The following FTO variants were observed in gnomAD, a reference collection of about 807,000 sequenced individuals.
FTO encodes alpha-ketoglutarate-dependent dioxygenase FTO.
A neutral mutation model predicts 63.9 loss-of-function variants in FTO; 47 were observed. The ratio of observed to expected loss-of-function variants is 0.74; its 90% CI spans 0.58 to 0.94. The LOEUF is 0.94. Ranked by LOEUF, FTO falls within the 40% of genes least tolerant of loss-of-function variation. The pLI is 0.00. For missense variants in FTO, 562 were observed against 618.1 expected, an observed-to-expected ratio of 0.91 and a Z score of 0.96; for synonymous variants, 207 against 224.4, an observed-to-expected ratio of 0.92 and a Z score of 0.69.
Position 53,729,409 on chromosome 16 carries a change from C to T in FTO, c.45+25180C>T, listed in dbSNP as rs182991978. The stretch of plus-strand genomic sequence containing the variant: ...GGGCTTGGTGGTGCGTGCCTGTATT[C>T]TAGCTACTCGGGAGGCAGAGGCAGG... On this transcript the variant is annotated intron_variant, in intron 1 of 8. Coordinates refer to ENST00000471389, the MANE Select transcript of FTO (RefSeq NM_001080432.3). Among the ~76,000 whole-genome samples the T allele has an allele frequency of 2.0e-5, 3 of 151,934 alleles. No individual in the cohort carries two copies. The East Asian group carries it at 5.9e-4, about 30-fold the overall frequency.
At chr16:53,814,103 CT>C (rs1389794072) in intron 2 of FTO, among the ~76,000 whole-genome samples, 9 of 152,170 alleles carry the variant, frequency 5.9e-5, no homozygotes, top group Non-Finnish European at 1.3e-4. Flanking sequence ...TATTGTCCAC[CT>C]CTTGGTCTAC....
chr16:53,758,528 G>A (rs963919514), intron 1 of FTO, among the ~76,000 whole-genome samples: 28 of 152,226 alleles, frequency 1.8e-4, no homozygotes, highest in African/African-American at 4.8e-4. Context: ...CTTAAAAGAC[G>A]GCCAGGTTTC....
intron 8 of FTO, among the ~76,000 whole-genome samples, chr16:54,032,456 T>C (rs1360189599): frequency 6.6e-6 from 1 of 152,156 alleles, no homozygotes; most frequent in Non-Finnish European, 1.5e-5. Flanking sequence ...TGCACAACAT[T>C]CTTCTGGCTG....
intron 8 of FTO, among the ~76,000 whole-genome samples, chr16:54,077,831 T>A (rs1306825562): frequency 6.6e-6 from 1 of 151,852 alleles, no homozygotes; most frequent in South Asian, 2.1e-4. Context: ...AGAATCCAGA[T>A]TAGTGGATTT....
intron 4 of FTO, among the ~76,000 whole-genome samples, chr16:53,853,631 C>T (rs112387595): frequency 0.051 from 7,770 of 152,004 alleles, 468 homozygotes; most frequent in African/African-American, 0.13. Flanking sequence ...GTTTCATCCA[C>T]GTTGCTGCAA....
intron 2 of FTO, among the ~76,000 whole-genome samples, chr16:53,815,546 T>A (rs750116709): frequency 1.3e-5 from 2 of 151,912 alleles, no homozygotes; most frequent in African/African-American, 2.4e-5. Context: ...TGTACCTCCT[T>A]GTTTTATAAA....
intron 8 of FTO, among the ~76,000 whole-genome samples, chr16:54,021,383 AGGCTGGGT>A (rs2084594901): frequency 2.6e-5 from 4 of 151,812 alleles, no homozygotes; most frequent in Admixed American, 1.3e-4. Flanking sequence ...CTCAGAGGGT[AGGCTGGGT>A]GTATAGCCTA....
intron 3 of FTO, among the ~76,000 whole-genome samples, chr16:53,839,794 TATTTATTTATTTATTTATTTATTTA>T (rs1567346911): frequency 6.8e-5 from 7 of 102,938 alleles, no homozygotes; most frequent in African/African-American, 3.0e-4. Flanking sequence ...TTTATTTATT[TATTTATTTATTTATTTATTTATTTA>T]TTTTAAGGTG....
intron 8 of FTO, among the ~76,000 whole-genome samples, chr16:54,016,940 G>T (rs1259552118): frequency 6.6e-6 from 1 of 152,092 alleles, no homozygotes; most frequent in Admixed American, 6.5e-5. Flanking sequence ...ATTTAAAAAG[G>T]GCTTTTCTAA....
At chr16:54,079,003 A>G (rs1382501727) in intron 8 of FTO, among the ~76,000 whole-genome samples, 1 of 152,234 alleles carries the variant, frequency 6.6e-6, no homozygotes, top group Non-Finnish European at 1.5e-5. Context: ...CTGAATTTCA[A>G]TAATGTTTTT....
At chr16:54,068,760 A>T (rs2085791036) in intron 8 of FTO, among the ~76,000 whole-genome samples, 3 of 152,096 alleles carry the variant, frequency 2.0e-5, no homozygotes, top group Non-Finnish European at 2.9e-5. Flanking sequence ...CCCTTTGTGC[A>T]TGGCTGTGGA....
chr16:53,839,775 T>A (rs6499649), intron 3 of FTO, among the ~76,000 whole-genome samples: 7,050 of 36,578 alleles, frequency 0.19, 193 homozygotes, highest in East Asian at 0.43. Flanking sequence ...TTTTCTTTTT[T>A]TTTATTTATT....
chr16:53,996,432 A>C (rs1213416676), intron 8 of FTO, among the ~76,000 whole-genome samples: 1 of 152,208 alleles, frequency 6.6e-6, no homozygotes, highest in African/African-American at 2.4e-5. Flanking sequence ...ACACTGGAGC[A>C]TTCATCATTC....
At position 53,917,322 on chromosome 16, in the gene FTO, A is replaced by G. The variant is rs140431697; in HGVS notation, c.1240-16663A>G. Among the ~76,000 whole-genome samples the G allele has an allele frequency of 2.6e-5, 4 of 152,336 alleles. No individual in the cohort carries two copies. The South Asian group carries it at 6.2e-4, about 24-fold the overall frequency. On this transcript the variant is annotated intron_variant, in intron 7 of 8. Coordinates refer to ENST00000471389, the MANE Select transcript of FTO (RefSeq NM_001080432.3). The stretch of plus-strand genomic sequence containing the variant: ...TTTAGGAGGTAAGAGAGTGAACTCT[A>G]CTACCCACTGGGTTTAACTCTTGTC...
chr16:54,075,917 T>C (rs551571349), intron 8 of FTO, among the ~76,000 whole-genome samples: 1 of 152,310 alleles, frequency 6.6e-6, no homozygotes, highest in Admixed American at 6.5e-5. Flanking sequence ...AGGATCACAA[T>C]TAAATGCATA....
intron 8 of FTO, among the ~76,000 whole-genome samples, chr16:53,987,876 G>A (rs1462703101): frequency 6.6e-6 from 1 of 152,126 alleles, no homozygotes; most frequent in Non-Finnish European, 1.5e-5. Context: ...GAATATGTAG[G>A]TACTTTGAAA....
At chr16:54,095,687 G>T (rs1255855024) in intron 8 of FTO, among the ~76,000 whole-genome samples, 2 of 152,128 alleles carry the variant, frequency 1.3e-5, no homozygotes, top group African/African-American at 4.8e-5. Flanking sequence ...GGGGTTACTT[G>T]TCCTCCTTTC....
In FTO at chr16:53,837,758, T is replaced by C. The variant is rs564042841; in HGVS notation, c.752-6397T>C. ...TCTGGCTTATACAGTACCCATTTGT[T>C]GCTACGCTGGGAACGTGTCTAGAAA... is the stretch of plus-strand genomic sequence containing the variant. On this transcript the variant is annotated intron_variant, in intron 3 of 8. Coordinates refer to ENST00000471389, the MANE Select transcript of FTO (RefSeq NM_001080432.3). Among the ~76,000 whole-genome samples the C allele has an allele frequency of 8.7e-4, 132 of 152,204 alleles. 1 individual carries two copies. The highest frequency in any genetic ancestry group is 2.9e-4 in the Non-Finnish European group (20 of 68,042).
At chr16:53,958,186 A>C (rs1250491948) in intron 8 of FTO, among the ~76,000 whole-genome samples, 1 of 152,226 alleles carries the variant, frequency 6.6e-6, no homozygotes, top group Non-Finnish European at 1.5e-5. Flanking sequence ...ATGCGTGGCC[A>C]TTTTAAGAGA....
Sources: allele counts gnomAD v4.1 joint callset (sites outside exome capture counted in the v4.1 genomes callset), GRCh38; gene constraint gnomAD v4.1.1; transcripts MANE v1.5; gene names NCBI Gene and HGNC (gene_info 2026-07-23, HGNC 2026-07-21).